Variants in PIP4P2 observed in about 807,000 individuals in gnomAD.
PIP4P2 encodes the protein type 2 phosphatidylinositol 4,5-bisphosphate 4-phosphatase.
In PIP4P2, 19 loss-of-function variants were observed where a neutral mutation model predicts 33.3. The observed-to-expected ratio is 0.57, with a 90% CI of 0.40 to 0.84. The LOEUF (loss-of-function observed/expected upper bound fraction) is 0.84. Among genes scored for constraint, PIP4P2 ranks in the 40% least tolerant of loss-of-function variants. The pLI, the probability that PIP4P2 is intolerant of heterozygous loss-of-function variation, is 0.00. For synonymous variants in PIP4P2, 110 were observed against 111.9 expected, an observed-to-expected ratio of 0.98 and a Z score of 0.11; for missense variants, 270 against 324.7, an observed-to-expected ratio of 0.83 and a Z score of 1.29.
At chr8:91,024,262 G>A (rs779396905) in intron 1 of PIP4P2, 17 of 414,796 alleles carry the variant, frequency 4.1e-5, no homozygotes, top group Non-Finnish European at 8.3e-5. Flanking sequence ...TTGTACTTTT[G>A]GCCTTTCCCT....
chr8:91,037,411 A>T (rs886078611), intron 1 of PIP4P2, among the ~76,000 whole-genome samples: 5 of 152,186 alleles, frequency 3.3e-5, no homozygotes, highest in Non-Finnish European at 5.9e-5. Context: ...ACTCTTGCTC[A>T]ACTTTCAGAT....
intron 1 of PIP4P2, among the ~76,000 whole-genome samples, chr8:91,022,243 G>A (rs1162087830): frequency 6.6e-6 from 1 of 152,144 alleles, no homozygotes; most frequent in African/African-American, 2.4e-5. Flanking sequence ...CACTACTTTT[G>A]TGTATGTTTG....
intron 3 of PIP4P2, 34 bp from the exon 4 acceptor site, chr8:91,018,547 C>T (rs1362760326): frequency 1.2e-6 from 2 of 1,613,054 alleles, no homozygotes; most frequent in African/African-American, 2.7e-5. Context: ...CTTCACTATC[C>T]CACAAATGGA....
At chr8:91,017,861 A>G (rs979370958) in intron 4 of PIP4P2, among the ~76,000 whole-genome samples, 2 of 152,204 alleles carry the variant, frequency 1.3e-5, no homozygotes, top group African/African-American at 4.8e-5. Context: ...AACTTTTATA[A>G]CTTTTGCTCA....
At position 91,018,436 on chromosome 8, in the gene PIP4P2, G is replaced by C; in HGVS notation, c.440C>G (p.Pro147Arg). Residue 147 changes from proline to arginine, a missense_variant, in exon 4 of 7, where the codon CCA (proline) becomes CGA (arginine). Coordinates refer to ENST00000285419, the MANE Select transcript of PIP4P2 (RefSeq NM_018710.3). ...QPAQPALPIQ[P>R]EGTRVVCGHC... is the part of the protein sequence containing the mutation. ...CCCACACACGACCCTTGTACCTTCT[G>C]GTTGGATTGGCAATGCAGGCTGAGC... 2 of 1,613,982 alleles carry C rather than the reference G, an allele frequency of 1.2e-6. No homozygotes were observed. The highest frequency in any genetic ancestry group is 1.7e-6 in the Non-Finnish European group (2 of 1,179,920).
chr8:91,029,183 C>T (rs1220310418), intron 1 of PIP4P2, among the ~76,000 whole-genome samples: 2 of 151,720 alleles, frequency 1.3e-5, no homozygotes, highest in African/African-American at 2.4e-5. Context: ...CCTAGCGACT[C>T]GGGAGGCTGA....
intron 1 of PIP4P2, among the ~76,000 whole-genome samples, chr8:91,034,661 T>C (rs1317985522): frequency 6.6e-6 from 1 of 152,192 alleles, no homozygotes; most frequent in Non-Finnish European, 1.5e-5. Context: ...ATATCCTGCA[T>C]CCTTTTCTCC....
chr8:91,015,652 A>G (rs373040384), intron 4 of PIP4P2, among the ~76,000 whole-genome samples: 2 of 152,332 alleles, frequency 1.3e-5, no homozygotes, highest in African/African-American at 2.4e-5. Flanking sequence ...TTCTGCAGAA[A>G]GGGTACACTC....
At chr8:91,038,857 G>C (rs1029172851) in intron 1 of PIP4P2, among the ~76,000 whole-genome samples, 1 of 152,174 alleles carries the variant, frequency 6.6e-6, no homozygotes, top group Non-Finnish European at 1.5e-5. Flanking sequence ...CCATAAGGCA[G>C]AAGCAGCTTT....
chr8:91,022,735 C>T (rs1812028800), intron 1 of PIP4P2, among the ~76,000 whole-genome samples: 2 of 152,158 alleles, frequency 1.3e-5, no homozygotes, highest in South Asian at 4.1e-4. Context: ...TTAAAATACA[C>T]ATATTTCTAC....
intron 1 of PIP4P2, among the ~76,000 whole-genome samples, chr8:91,029,031 GCCTATAATCCCA>G (rs1812121161): frequency 6.6e-6 from 1 of 152,138 alleles, no homozygotes; most frequent in Non-Finnish European, 1.5e-5. Context: ...AGTGGCTCAT[GCCTATAATCCCA>G]GCACTTTGGG....
At chr8:91,005,606 T>C (rs1811753348) in intron 5 of PIP4P2, among the ~76,000 whole-genome samples, 1 of 152,186 alleles carries the variant, frequency 6.6e-6, no homozygotes, top group Admixed American at 6.5e-5. Context: ...AAGCAATCAG[T>C]ACTTAGCACA....
chr8:91,019,395 CAAAAAAAAA>C (rs71510466), intron 3 of PIP4P2, among the ~76,000 whole-genome samples: 4 of 19,698 alleles, frequency 2.0e-4, no homozygotes, highest in African/African-American at 9.5e-4. Flanking sequence ...CCTGTCTCTA[CAAAAAAAAA>C]AAAAAAAAAA....
intron 1 of PIP4P2, among the ~76,000 whole-genome samples, chr8:91,030,966 G>C (rs879847001): frequency 6.6e-6 from 1 of 152,174 alleles, no homozygotes; most frequent in Non-Finnish European, 1.5e-5. Context: ...GTAAGGTCTT[G>C]AATCTGGGTA....
chr8:91,013,412 A>G (rs1339946179), intron 4 of PIP4P2, among the ~76,000 whole-genome samples: 1 of 152,224 alleles, frequency 6.6e-6, no homozygotes, highest in Non-Finnish European at 1.5e-5. Context: ...TGTTACTGTC[A>G]AAAGTTTGTT....
At chr8:91,006,835 G>T (rs997905607) in intron 5 of PIP4P2, among the ~76,000 whole-genome samples, 3 of 152,186 alleles carry the variant, frequency 2.0e-5, no homozygotes, top group Non-Finnish European at 4.4e-5. Flanking sequence ...CAGGCGTGGT[G>T]GCGTGTGCCT....
chr8:91,016,025 G>T (rs1358242798), intron 4 of PIP4P2, among the ~76,000 whole-genome samples: 2 of 152,202 alleles, frequency 1.3e-5, no homozygotes, highest in Non-Finnish European at 2.9e-5. Flanking sequence ...ACAGCTAGCA[G>T]ATATTTAATA....
intron 5 of PIP4P2, among the ~76,000 whole-genome samples, chr8:91,001,399 C>T (rs1485832072): frequency 1.3e-5 from 2 of 152,042 alleles, no homozygotes; most frequent in African/African-American, 4.8e-5. Flanking sequence ...ATCCCGCACC[C>T]TGTGCCTGCC....
intron 5 of PIP4P2, among the ~76,000 whole-genome samples, chr8:91,002,532 C>A (rs1202282715): frequency 6.6e-6 from 1 of 152,260 alleles, no homozygotes; most frequent in East Asian, 1.9e-4. Context: ...CTTTACATTA[C>A]AATTTTCAGA....
Sources: gnomAD v4.1 joint callset for allele counts (sites outside exome capture counted in the v4.1 genomes callset) on GRCh38, gnomAD v4.1.1 for gene constraint, MANE v1.5 for transcripts, NCBI Gene and HGNC (gene_info 2026-07-23, HGNC 2026-07-21) for gene names.